Variants in RNF220 observed in about 807,000 individuals in gnomAD.
RNF220 encodes ring finger protein 220, also known as E3 ubiquitin-protein ligase RNF220.
A neutral mutation model predicts 67.1 loss-of-function variants in RNF220; 7 were observed. The observed-to-expected ratio is 0.10, with a 90% CI of 0.06 to 0.20. The LOEUF is 0.20. Among genes scored for constraint, RNF220 ranks in the 10% least tolerant of loss-of-function variants. The pLI is 1.00. For missense variants in RNF220, 565 were observed against 740.3 expected (o/e 0.76, Z 2.75); for synonymous variants, 270 against 283.2 (o/e 0.95, Z 0.47).
intron 2 of RNF220, among the ~76,000 whole-genome samples, chr1:44,599,185 T>TA (rs1452260400): frequency 1.3e-5 from 2 of 151,806 alleles, no homozygotes; most frequent in African/African-American, 2.4e-5. Context: ...CAAGGAGCAG[T>TA]AAAAAAATTA....
chr1:44,408,174 A>G (rs979713434), intron 1 of RNF220, among the ~76,000 whole-genome samples: 1 of 151,940 alleles, frequency 6.6e-6, no homozygotes, highest in Non-Finnish European at 1.5e-5. Flanking sequence ...TCCCTAAAAG[A>G]GTTGATTTTT....
At chr1:44,599,267 T>G (rs1340706750) in intron 2 of RNF220, among the ~76,000 whole-genome samples, 1 of 152,190 alleles carries the variant, frequency 6.6e-6, no homozygotes, top group Non-Finnish European at 1.5e-5. Flanking sequence ...CAATATTATA[T>G]GATGTATGCA....
intron 2 of RNF220, among the ~76,000 whole-genome samples, chr1:44,422,970 A>G (rs1010735988): frequency 6.6e-6 from 1 of 152,228 alleles, no homozygotes; most frequent in African/African-American, 2.4e-5. Flanking sequence ...TATTTACTGC[A>G]TACCTACATT....
chr1:44,557,909 G>A (rs1215583225), intron 2 of RNF220, among the ~76,000 whole-genome samples: 1 of 152,188 alleles, frequency 6.6e-6, no homozygotes, highest in Non-Finnish European at 1.5e-5. Flanking sequence ...CTTCCCCACT[G>A]AGGAGCTTTT....
chr1:44,509,663 G>A lies in RNF220; in HGVS notation c.625+96941G>A, dbSNP rs375890277. Among the ~76,000 whole-genome samples the A allele has an allele frequency of 2.2e-3, 338 of 152,010 alleles. 2 individuals are homozygous for A. The highest frequency in any genetic ancestry group is 7.7e-3 in the African/African-American group (319 of 41,528). On this transcript the variant is annotated intron_variant, in intron 2 of 14. Coordinates refer to ENST00000361799, the MANE Select transcript of RNF220 (RefSeq NM_018150.4). ...AGCACTTTGGGAGCCCAAAGCAGGCGGATCACTTGAGGCCAGGAGTTCAAG... is the reference window on the plus strand; with the variant it reads ...AGCACTTTGGGAGCCCAAAGCAGGCAGATCACTTGAGGCCAGGAGTTCAAG...
intron 2 of RNF220, among the ~76,000 whole-genome samples, chr1:44,609,993 G>A (rs1041970396): frequency 3.3e-5 from 5 of 152,200 alleles, no homozygotes; most frequent in Non-Finnish European, 5.9e-5. Flanking sequence ...TGAGGATGGG[G>A]TCAGAGCCCC....
chr1:44,602,192 T>G (rs182435751), intron 2 of RNF220, among the ~76,000 whole-genome samples: 1 of 152,192 alleles, frequency 6.6e-6, no homozygotes, highest in African/African-American at 2.4e-5. Flanking sequence ...AGGACAGTGA[T>G]GGGCTTCGGG....
chr1:44,448,023 C>T (rs972080374), intron 2 of RNF220, among the ~76,000 whole-genome samples: 4 of 151,958 alleles, frequency 2.6e-5, no homozygotes, highest in African/African-American at 7.2e-5. Context: ...CTGACATTGG[C>T]CGGGCAGTGT....
chr1:44,483,744 C>A (rs1656040690), intron 2 of RNF220, among the ~76,000 whole-genome samples: 1 of 152,188 alleles, frequency 6.6e-6, no homozygotes, highest in African/African-American at 2.4e-5. Flanking sequence ...AGTGGTGCAA[C>A]TTGATCTGAT....
chr1:44,500,707 C>T (rs1018948689), intron 2 of RNF220, among the ~76,000 whole-genome samples: 1 of 152,212 alleles, frequency 6.6e-6, no homozygotes, highest in African/African-American at 2.4e-5. Context: ...CTCTAATAGC[C>T]TCCTGGCCAC....
intron 2 of RNF220, among the ~76,000 whole-genome samples, chr1:44,539,253 C>T (rs992696101): frequency 3.3e-5 from 5 of 151,956 alleles, no homozygotes; most frequent in African/African-American, 7.3e-5. Context: ...AAGTTCTATT[C>T]CTATGGTTCG....
At chr1:44,632,450 T>A in intron 6 of RNF220, 65 bp downstream of exon 6, 1 of 1,164,020 alleles carries the variant, frequency 8.6e-7, no homozygotes, top group Non-Finnish European at 1.1e-6. Context: ...CCTCACTGCC[T>A]GCCGCTCCTG....
intron 2 of RNF220, among the ~76,000 whole-genome samples, chr1:44,534,694 G>A (rs1355987257): frequency 6.6e-6 from 1 of 152,062 alleles, no homozygotes; most frequent in Non-Finnish European, 1.5e-5. Context: ...CATCATCATG[G>A]TTGCCATCAT....
intron 2 of RNF220, among the ~76,000 whole-genome samples, chr1:44,527,829 G>A (rs1029568273): frequency 6.9e-6 from 1 of 145,296 alleles, no homozygotes; most frequent in Non-Finnish European, 1.5e-5. Context: ...GAGAGGCTGA[G>A]GCAGGAGAAT....
chr1:44,493,960 A>T (rs1436958693), intron 2 of RNF220, among the ~76,000 whole-genome samples: 1 of 152,290 alleles, frequency 6.6e-6, no homozygotes, highest in African/African-American at 2.4e-5. Flanking sequence ...TAATCCCAGC[A>T]TTTTAGGAGG....
chr1:44,480,896 G>GTAAAA (rs1655744505), intron 2 of RNF220, among the ~76,000 whole-genome samples: 1 of 151,956 alleles, frequency 6.6e-6, no homozygotes, highest in South Asian at 2.1e-4. Context: ...AAAAAATAAA[G>GTAAAA]TAAAATAAAA....
intron 2 of RNF220, chr1:44,419,541 G>A (rs1278245675): frequency 6.6e-6 from 1 of 152,164 alleles, no homozygotes; most frequent in African/African-American, 2.4e-5. Context: ...ATTATTTTTT[G>A]TCTGGTACCA....
chr1:44,527,938 A>C (rs9701425), intron 2 of RNF220, among the ~76,000 whole-genome samples: 5 of 109,846 alleles, frequency 4.6e-5, no homozygotes, highest in East Asian at 2.2e-4. Flanking sequence ...AAAAAAAAAA[A>C]AAAAAAAAAA....
chr1:44,542,668 A>ACTCTGC (rs1380472132), intron 2 of RNF220, among the ~76,000 whole-genome samples: 5 of 152,114 alleles, frequency 3.3e-5, no homozygotes, highest in African/African-American at 1.2e-4. Context: ...GGTGATCCGT[A>ACTCTGC]ACTCACTCTG....
Sources: gnomAD v4.1 joint callset for allele counts (sites outside exome capture counted in the v4.1 genomes callset) on GRCh38, gnomAD v4.1.1 for gene constraint, MANE v1.5 for transcripts, NCBI Gene and HGNC (gene_info 2026-07-23, HGNC 2026-07-21) for gene names.